Variants in DAAM1 observed in about 807,000 individuals in gnomAD.
The protein encoded by DAAM1 is disheveled-associated activator of morphogenesis 1.
Under a neutral mutation model 130.0 loss-of-function variants are expected in DAAM1, and 52 were observed. The ratio of observed to expected loss-of-function variants is 0.40; its 90% confidence interval spans 0.32 to 0.50. DAAM1 has a LOEUF of 0.50. Ranked by LOEUF, DAAM1 falls within the 20% of genes least tolerant of loss-of-function variation. DAAM1 has a pLI of 0.61. For missense variants in DAAM1, 1,134 were observed against 1,303.8 expected (o/e 0.87, Z 2.01); for synonymous variants, 452 against 444.5 (o/e 1.02, Z -0.21).
intron 1 of DAAM1, among the ~76,000 whole-genome samples, chr14:59,208,916 T>G (rs76957852): frequency 2.6e-5 from 4 of 152,182 alleles, no homozygotes; most frequent in Admixed American, 6.5e-5. Context: ...ATGTACTGGC[T>G]TCCCTCTTCA....
chr14:59,371,096 G>C lies in DAAM1; in HGVS notation c.*2237G>C, dbSNP rs200661270. The C allele has an allele frequency of 1.1e-5, 1 of 89,082 alleles. No individual in the cohort carries two copies. The highest frequency in any genetic ancestry group is 2.6e-5 in the Non-Finnish European group (1 of 38,680). 5.5% of individuals were successfully genotyped at this position (89,082 alleles called of 1,614,324 possible). On this transcript the variant is annotated 3_prime_UTR_variant, in exon 25 of 25. Transcript: ENST00000360909. ...TAATTCCATGTGCCATTGTTGAAAA[G>C]AAAAAAAAAAAACAAAAAAAAAACC...
intron 2 of DAAM1, chr14:59,265,026 A>G (rs1882368518): frequency 6.6e-6 from 1 of 152,200 alleles, no homozygotes; most frequent in African/African-American, 2.4e-5. Flanking sequence ...TTAGTTCTAA[A>G]TGGACCATTT....
At chr14:59,317,728 AG>A (rs1884844501) in intron 4 of DAAM1, among the ~76,000 whole-genome samples, 3 of 152,232 alleles carry the variant, frequency 2.0e-5, no homozygotes, top group Admixed American at 2.0e-4. Context: ...GACTCCAGAA[AG>A]GTTACCTTGC....
intron 1 of DAAM1, among the ~76,000 whole-genome samples, chr14:59,198,638 T>A (rs1483449515): frequency 1.3e-5 from 2 of 152,154 alleles, no homozygotes; most frequent in Admixed American, 1.3e-4. Flanking sequence ...TTTACAACAG[T>A]GATGTGGGGC....
At chr14:59,333,442 G>C (rs1351095525) in intron 15 of DAAM1, among the ~76,000 whole-genome samples, 1 of 152,218 alleles carries the variant, frequency 6.6e-6, no homozygotes, top group African/African-American at 2.4e-5. Flanking sequence ...TCCTCACGTG[G>C]CAGGGACTGT....
chr14:59,336,739 A>G (rs1885643368), intron 15 of DAAM1, among the ~76,000 whole-genome samples: 1 of 152,216 alleles, frequency 6.6e-6, no homozygotes, highest in Admixed American at 6.5e-5. Context: ...TTTCAGCTCA[A>G]CTGAAAGCAG....
At chr14:59,345,670 C>T (rs1403635602) in intron 16 of DAAM1, among the ~76,000 whole-genome samples, 3 of 152,180 alleles carry the variant, frequency 2.0e-5, no homozygotes, top group Admixed American at 6.5e-5. Flanking sequence ...CCTTTGAGTG[C>T]GCGCTTTCAG....
chr14:59,362,019 CTT>C (rs35080349), intron 22 of DAAM1, among the ~76,000 whole-genome samples: 66 of 121,674 alleles, frequency 5.4e-4, no homozygotes, highest in Non-Finnish European at 6.4e-4. Flanking sequence ...GGTTTTTTTC[CTT>C]TTTTTTTTTT....
chr14:59,331,696 C>A, intron 14 of DAAM1, 117 bp from the exon 15 acceptor site: 1 of 1,493,112 alleles, frequency 6.7e-7, no homozygotes, highest in South Asian at 1.4e-5. Flanking sequence ...TGAAACCCGT[C>A]ACTTTGAGTG....
chr14:59,333,439 G>A (rs535589570), intron 15 of DAAM1, among the ~76,000 whole-genome samples: 4 of 152,330 alleles, frequency 2.6e-5, no homozygotes, highest in East Asian at 1.9e-4. Flanking sequence ...GAGTCCTCAC[G>A]TGGCAGGGAC....
intron 23 of DAAM1, among the ~76,000 whole-genome samples, chr14:59,366,919 TA>T (rs377198440): frequency 0.13 from 19,211 of 144,186 alleles, 1,590 homozygotes; most frequent in African/African-American, 0.25. Flanking sequence ...CCCCATCTAT[TA>T]AAAAAAAAAA....
In DAAM1 at chr14:59,346,497, T is replaced by G. The variant is rs1401842381; in HGVS notation, c.2076-1042T>G. ...TAAAATAAGTCTAGACCAGGCATGG[T>G]GACTCATGCCTGTAATCCCAGCACT... On this transcript the variant is annotated intron_variant, in intron 16 of 24. Transcript: ENST00000360909. 7.9e-5 allele frequency among the ~76,000 whole-genome samples: 12 copies of G among 152,160 alleles called. No individual in the cohort carries two copies. The East Asian group carries it at 2.1e-3, about 27-fold the overall frequency.
In DAAM1 at chr14:59,369,492, TGTCA is replaced by T. The variant is rs1156391062; in HGVS notation, c.*634_*637del. ...TGCACACAATTTGAATTATGTAGAA[TGTCA>T]ATCAAGTTTTTGTATATTTAAAAGT... On this transcript the variant is annotated 3_prime_UTR_variant, in exon 25 of 25. Coordinates refer to ENST00000360909, the MANE Select transcript of DAAM1 (RefSeq NM_001270520.2). The T allele has an allele frequency of 6.6e-6, 1 of 152,516 alleles. No homozygotes were observed. The highest frequency in any genetic ancestry group is 2.4e-5 in the African/African-American group (1 of 41,442). The allele number at this position is 152,516 out of a possible 1,614,324, so 9.4% of individuals were successfully genotyped here.
chr14:59,206,338 C>G (rs780643845), intron 1 of DAAM1, among the ~76,000 whole-genome samples: 2 of 151,948 alleles, frequency 1.3e-5, no homozygotes, highest in Non-Finnish European at 2.9e-5. Context: ...TACAGTGGTG[C>G]GATCTCGGCT....
At position 59,257,984 on chromosome 14, in the gene DAAM1, A is replaced by G. The variant is rs1594783818; in HGVS notation, c.-37-5457A>G. 2.0e-5 allele frequency among the ~76,000 whole-genome samples: 3 copies of G among 152,138 alleles called. No individual in the cohort carries two copies. In the South Asian group the frequency reaches 6.2e-4, roughly 31 times the overall value. On this transcript the variant is annotated intron_variant, in intron 1 of 24. Coordinates refer to ENST00000360909, the MANE Select transcript of DAAM1 (RefSeq NM_001270520.2). The stretch of plus-strand genomic sequence containing the variant: ...TACTATCTGAAGGACCTGCCCTCCC[A>G]CCACTACCACCATTGCTCTTCACGT...
intron 1 of DAAM1, among the ~76,000 whole-genome samples, chr14:59,203,076 C>G (rs747790402): frequency 1.3e-4 from 19 of 151,310 alleles, no homozygotes; most frequent in Non-Finnish European, 2.5e-4. Context: ...ACTGCAAGCT[C>G]TGCCTCCTGG....
At position 59,198,874 on chromosome 14, in the gene DAAM1, T is replaced by C. The variant is rs530312918; in HGVS notation, c.-38+10106T>C. The stretch of plus-strand genomic sequence containing the variant: ...TAATCGTGGCAATTCCTTTAAACTT[T>C]CCGGACCTCTCTTTCCTCATTCACA... On this transcript the variant is annotated intron_variant, in intron 1 of 24. Coordinates refer to ENST00000360909, the MANE Select transcript of DAAM1 (RefSeq NM_001270520.2). Among the ~76,000 whole-genome samples, 44 of 152,362 alleles carry C rather than the reference T, an allele frequency of 2.9e-4. 1 individual carries two copies. The South Asian group carries it at 9.1e-3, about 32-fold the overall frequency.
At chr14:59,221,848 C>G (rs1051934232) in intron 1 of DAAM1, among the ~76,000 whole-genome samples, 6 of 152,212 alleles carry the variant, frequency 3.9e-5, no homozygotes, top group African/African-American at 1.4e-4. Context: ...CCCTCTGGAA[C>G]TAAGGCCAGC....
chr14:59,297,634 C>G (rs1884004283), intron 3 of DAAM1, among the ~76,000 whole-genome samples: 1 of 152,154 alleles, frequency 6.6e-6, no homozygotes, highest in African/African-American at 2.4e-5. Context: ...CGTGGTTTCA[C>G]TTATCTGCAG....
Sources: gnomAD v4.1 joint callset for allele counts (sites outside exome capture counted in the v4.1 genomes callset) on GRCh38, gnomAD v4.1.1 for gene constraint, MANE v1.5 for transcripts, NCBI Gene and HGNC (gene_info 2026-07-23, HGNC 2026-07-21) for gene names.